The following TXN variants were observed in gnomAD, a reference collection of about 807,000 sequenced individuals.
TXN encodes the protein ADF.
TXN carries 10 observed loss-of-function variants against 16.5 expected under a neutral mutation model. That is an observed-to-expected ratio of 0.61 (90% CI 0.37 to 1.03). The LOEUF (loss-of-function observed/expected upper bound fraction) is 1.03. Ranked by LOEUF, TXN falls within the 50% of genes least tolerant of loss-of-function variation. The probability of loss-of-function intolerance (pLI) is 0.01; values close to 1 mark genes in which losing one functional copy is unlikely to be tolerated. For missense variants in TXN, 71 were observed against 122.5 expected, an observed-to-expected ratio of 0.58 and a Z score of 1.98; for synonymous variants, 35 against 39.4, an observed-to-expected ratio of 0.89 and a Z score of 0.42.
intron 2 of TXN, 118 bp from the exon 3 acceptor site, chr9:110,250,997 A>G: frequency 1.3e-6 from 1 of 750,054 alleles, no homozygotes; most frequent in Non-Finnish European, 2.2e-6. Context: ...AGATCCAAAA[A>G]TTTAGATCTT....
chr9:110,245,616 CACTATATA>C (rs1837638540), intron 3 of TXN, among the ~76,000 whole-genome samples: 1 of 73,640 alleles, frequency 1.4e-5, no homozygotes, highest in South Asian at 5.0e-4. Context: ...CACACACACA[CACTATATA>C]TATATATATA....
At chr9:110,251,819 T>C (rs181690153) in intron 1 of TXN, among the ~76,000 whole-genome samples, 2 of 152,300 alleles carry the variant, frequency 1.3e-5, no homozygotes, top group Non-Finnish European at 2.9e-5. Flanking sequence ...AATGTTTCCA[T>C]GTCAAGGCTA....
At chr9:110,245,602 T>TATATAC (rs200327890) in intron 3 of TXN, among the ~76,000 whole-genome samples, 27 of 62,502 alleles carry the variant, frequency 4.3e-4, no homozygotes, top group East Asian at 2.0e-3. Context: ...TGTATATATA[T>TATATAC]ACACACACAC....
At chr9:110,245,673 T>A (rs796365422) in intron 3 of TXN, among the ~76,000 whole-genome samples, 7 of 127,382 alleles carry the variant, frequency 5.5e-5, no homozygotes, top group South Asian at 5.2e-4. Context: ...TTTTTTTTTT[T>A]ATAGGGACAA....
In TXN at chr9:110,256,151, C is replaced by G. The variant is rs527797959; in HGVS notation, c.24+261G>C. Among the ~76,000 whole-genome samples, 69 of 152,310 alleles carry G rather than the reference C, an allele frequency of 4.5e-4. No individual in the cohort carries two copies. The highest frequency in any genetic ancestry group is 2.2e-3 in the Admixed American group (33 of 15,312). ...CCCGAGGAACAGGGTGCGAGAAACG[C>G]TGGGCACCGCCACTCCGCCCTCCAG... On this transcript the variant is annotated intron_variant, in intron 1 of 4. Transcript: ENST00000374517. The surrounding 1 kb of genome is among the most constrained non-coding windows in gnomAD (Gnocchi z 4.2).
At chr9:110,244,956 C>A in intron 3 of TXN, 113 bp from the exon 4 acceptor site, 1 of 695,160 alleles carries the variant, frequency 1.4e-6, no homozygotes, top group Non-Finnish European at 2.5e-6. Flanking sequence ...CCCACATTTC[C>A]GCATGAGGAC....
intron 3 of TXN, among the ~76,000 whole-genome samples, chr9:110,249,549 A>G (rs191953673): frequency 6.6e-6 from 1 of 152,268 alleles, no homozygotes; most frequent in Admixed American, 6.5e-5. Context: ...AGGGCACACA[A>G]GGCGGTAAGT....
At position 110,244,807 on chromosome 9, in the gene TXN, T is replaced by C. The variant is rs776990602; in HGVS notation, c.226A>G (p.Thr76Ala). Residue 76 changes from threonine to alanine, a missense_variant, in exon 4 of 5, where the codon ACA (threonine) becomes GCA (alanine). Transcript: ENST00000374517. ...ASECEVKCMP[T>A]FQFFKKGQKV... ...TGTCCCTTCTTAAAAAACTGGAATG[T>C]TGGCATGCATTTGACTTCACACTCT... 1 of 1,612,998 alleles carries C rather than the reference T, an allele frequency of 6.2e-7. No homozygotes were observed. Among genetic ancestry groups the C allele is most frequent in the South Asian group, 1.1e-5 (1 of 91,074 alleles).
At chr9:110,250,495 T>A (rs1837719044) in intron 3 of TXN, among the ~76,000 whole-genome samples, 1 of 152,230 alleles carries the variant, frequency 6.6e-6, no homozygotes, top group Admixed American at 6.5e-5. Context: ...ATCAAGCCTA[T>A]GGATGTAATG....
At chr9:110,245,690 T>C in intron 3 of TXN, among the ~76,000 whole-genome samples, 1 of 129,484 alleles carries the variant, frequency 7.7e-6, no homozygotes, top group Admixed American at 8.4e-5. Context: ...ACAAGGTCTC[T>C]CCATGTTGCC....
At chr9:110,249,307 T>TTAA (rs112465139) in intron 3 of TXN, among the ~76,000 whole-genome samples, 9 of 143,362 alleles carry the variant, frequency 6.3e-5, no homozygotes, top group Non-Finnish European at 9.1e-5. Context: ...ACACTCTTTT[T>TTAA]AAAAAAAAAA....
intron 3 of TXN, among the ~76,000 whole-genome samples, chr9:110,248,237 G>A (rs562396172): frequency 5.9e-5 from 9 of 152,232 alleles, no homozygotes; most frequent in Admixed American, 3.9e-4. Flanking sequence ...TGTTTATAAC[G>A]TCTACAGGTT....
At chr9:110,245,652 A>ATTTTTT (rs1277293432) in intron 3 of TXN, among the ~76,000 whole-genome samples, 7 of 23,678 alleles carry the variant, frequency 3.0e-4, no homozygotes, top group East Asian at 1.3e-3. Context: ...ATATATATAT[A>ATTTTTT]TATTTTTTTT....
Position 110,256,346 on chromosome 9 carries a change from C to T in TXN, c.24+66G>A, listed in dbSNP as rs1587926734. The T allele has an allele frequency of 1.3e-6, 2 of 1,549,410 alleles. No individual in the cohort carries two copies. The highest frequency in any genetic ancestry group is 1.4e-5 in the African/African-American group (1 of 73,122). On this transcript the variant is annotated intron_variant, in intron 1 of 4. Coordinates refer to ENST00000374517, the MANE Select transcript of TXN (RefSeq NM_003329.4). This position sits in a 1 kb window ranked among gnomAD's most constrained non-coding sequence, Gnocchi z 4.2. ...CCACCGCCTTCCCCACCTCCCGCCA[C>T]CGCCTTCCCCAGTTACAGAGGCCGC... is the stretch of plus-strand genomic sequence containing the variant.
intron 2 of TXN, 59 bp downstream of exon 2, chr9:110,251,299 G>T: frequency 7.8e-7 from 1 of 1,278,342 alleles, no homozygotes; most frequent in Non-Finnish European, 1.1e-6. Flanking sequence ...TCCTACCACT[G>T]TGACCACCAA....
At position 110,248,847 on chromosome 9, in the gene TXN, C is replaced by T. The variant is rs4135201; in HGVS notation, c.189+1973G>A. 8.8e-3 allele frequency among the ~76,000 whole-genome samples: 1,345 copies of T among 152,012 alleles called. 25 individuals are homozygous for T. The highest frequency in any genetic ancestry group is 0.031 in the African/African-American group (1,267 of 41,440). On this transcript the variant is annotated intron_variant, in intron 3 of 4. Coordinates refer to ENST00000374517, the MANE Select transcript of TXN (RefSeq NM_003329.4). ...CTTTCAAATAAAAATCAAGGCCGGGCGTGGTGGATAATCCCAGCACTTTGG... is the reference window on the plus strand; with the variant it reads ...CTTTCAAATAAAAATCAAGGCCGGGTGTGGTGGATAATCCCAGCACTTTGG...
At chr9:110,245,025 G>T in intron 3 of TXN, 182 bp from the exon 4 acceptor site, 3 of 427,614 alleles carry the variant, frequency 7.0e-6, no homozygotes, top group South Asian at 6.4e-5. Flanking sequence ...AAGCCAAACC[G>T]GTTATATTCT....
At position 110,245,618 on chromosome 9, in the gene TXN, C is replaced by CTATA. The variant is rs1170640168; in HGVS notation, c.190-779_190-776dup. Among the ~76,000 whole-genome samples, 54 of 30,890 alleles carry CTATA rather than the reference C, an allele frequency of 1.7e-3. 1 individual carries two copies. Among genetic ancestry groups the CTATA allele is most frequent in the East Asian group, 7.0e-3 (3 of 426 alleles). 20.3% of individuals were successfully genotyped at this position (30,890 alleles called of 152,430 possible). On this transcript the variant is annotated intron_variant, in intron 3 of 4. Transcript: ENST00000374517. ...GTATATATATACACACACACACACA[C>CTATA]TATATATATATATATATATATATAT...
chr9:110,250,639 A>C (rs1315252943), intron 3 of TXN, among the ~76,000 whole-genome samples, 181 bp downstream of exon 3: 1 of 152,238 alleles, frequency 6.6e-6, no homozygotes, highest in Non-Finnish European at 1.5e-5. Flanking sequence ...AGGATGTGAT[A>C]TACAGCTCCC....
Sources: gnomAD v4.1 joint callset for allele counts (sites outside exome capture counted in the v4.1 genomes callset) on GRCh38, gnomAD v4.1.1 for gene constraint, Gnocchi (gnomAD v3.1) non-coding constraint, MANE v1.5 for transcripts, NCBI Gene and HGNC (gene_info 2026-07-23, HGNC 2026-07-21) for gene names.